The following RMND1 variants were observed in gnomAD, a reference collection of about 807,000 sequenced individuals.
The protein encoded by RMND1 is required for meiotic nuclear division 1 homolog.
Under a neutral mutation model 54.0 loss-of-function variants are expected in RMND1, and 41 were observed. The observed-to-expected ratio is 0.76, with a 90% confidence interval of 0.59 to 0.98. The LOEUF is 0.98. Ranked by LOEUF, RMND1 falls within the 50% of genes least tolerant of loss-of-function variation. The pLI is 0.00. For missense variants in RMND1, 457 were observed against 532.0 expected, an observed-to-expected ratio of 0.86 and a Z score of 1.39; for synonymous variants, 183 against 181.7, an observed-to-expected ratio of 1.01 and a Z score of -0.06.
chr6:151,440,425 C>G (rs1190630484), intron 2 of RMND1, among the ~76,000 whole-genome samples: 1 of 152,224 alleles, frequency 6.6e-6, no homozygotes, highest in Non-Finnish European at 1.5e-5. Context: ...ATTTTCAACT[C>G]TCAAGGACAG....
At chr6:151,429,506 G>A (rs893166747) in intron 5 of RMND1, among the ~76,000 whole-genome samples, 2 of 152,002 alleles carry the variant, frequency 1.3e-5, no homozygotes, top group African/African-American at 2.4e-5. Flanking sequence ...TTTCTAAGGG[G>A]ATCTATAGTA....
intron 10 of RMND1, among the ~76,000 whole-genome samples, chr6:151,410,198 A>G (rs142395054): frequency 0.027 from 4,021 of 151,474 alleles, 194 homozygotes; most frequent in African/African-American, 0.09. Flanking sequence ...GGGACTACAG[A>G]CGCCCGCCAC....
chr6:151,405,638 A>G (rs183324162), intron 11 of RMND1, 82 bp downstream of exon 11: 11 of 715,360 alleles, frequency 1.5e-5, no homozygotes, highest in Middle Eastern at 2.8e-4. Flanking sequence ...ATAATTTTCT[A>G]TCTCAAACTA....
intron 4 of RMND1, 69 bp downstream of exon 4, chr6:151,433,086 C>T (rs2114953668): frequency 3.5e-6 from 3 of 856,980 alleles, no homozygotes. Flanking sequence ...GGTATGCCTG[C>T]ACCTTTAAAG....
In RMND1 at chr6:151,405,787, C is replaced by T. The variant is rs397515421; in HGVS notation, c.1250G>A (p.Arg417Gln). 16 of 1,612,640 alleles carry T rather than the reference C, an allele frequency of 9.9e-6. No homozygotes were observed. Among genetic ancestry groups the T allele is most frequent in the Admixed American group, 8.3e-5 (5 of 59,984 alleles). Residue 417 changes from arginine to glutamine, a missense_variant, in exon 11 of 12, where the codon CGG becomes CAG. By Grantham distance (43) the Arg-to-Gln change is conservative. Transcript: ENST00000444024. ...QHCMELTDLM[R>Q]NHLNEKRALR... The stretch of plus-strand genomic sequence containing the variant: ...TGCCCTCTTCTCATTCAGGTGATTC[C>T]GCATTAGATCTGTTAGTTCCATGCA...
intron 4 of RMND1, among the ~76,000 whole-genome samples, chr6:151,432,082 C>G (rs1780464359): frequency 2.0e-5 from 3 of 151,814 alleles, no homozygotes. Flanking sequence ...ATTACAGGCA[C>G]CCTCCACCAT....
At chr6:151,417,254 C>T (rs757165928) in intron 10 of RMND1, 25 bp downstream of exon 10, 1 of 1,584,144 alleles carries the variant, frequency 6.3e-7, no homozygotes, top group South Asian at 1.2e-5. Context: ...GTCTTTTTCT[C>T]TCATTAGAAG....
At chr6:151,432,611 C>G (rs923027110) in intron 4 of RMND1, among the ~76,000 whole-genome samples, 2 of 152,096 alleles carry the variant, frequency 1.3e-5, no homozygotes, top group African/African-American at 2.4e-5. Flanking sequence ...TTATTTCACA[C>G]GGTTCTATCA....
intron 4 of RMND1, among the ~76,000 whole-genome samples, chr6:151,431,547 C>A (rs1298589392): frequency 1.3e-5 from 2 of 152,072 alleles, no homozygotes; most frequent in Admixed American, 6.6e-5. Context: ...CCCTTCCAGG[C>A]AGAAGAGAGG....
rs1208215133 is a variant in RMND1, at chr6:151,448,132, C to T, written c.-14-2307G>A. On this transcript the variant is annotated intron_variant, in intron 1 of 11. Transcript: ENST00000444024. ...GACCCAGCCCATTTTTATCACTGCA[C>T]CTTCTAGAAAGCCTAAGATTACATT... Among the ~76,000 whole-genome samples, 5 of 152,028 alleles carry T rather than the reference C, an allele frequency of 3.3e-5. No homozygotes were observed. The East Asian group carries it at 7.7e-4, about 23-fold the overall frequency.
rs899425248 is a variant in RMND1, at chr6:151,427,575, T to A, written c.737A>T (p.His246Leu). The stretch of plus-strand genomic sequence containing the variant: ...ATGTTTTTCTAGAACTTTCATCACA[T>A]GCTTCATCTAGAAGAAAAGGAAGAT... ...FWNVKDKTMK[H>L]VMKVLEKHEI... Residue 246 changes from histidine to leucine, a missense_variant, in exon 6 of 12, where the codon CAT becomes CTT. Coordinates refer to ENST00000444024, the MANE Select transcript of RMND1 (RefSeq NM_017909.4). 2 of 1,599,246 alleles carry A rather than the reference T, an allele frequency of 1.3e-6. No individual in the cohort carries two copies. Among genetic ancestry groups the A allele is most frequent in the African/African-American group, 2.7e-5 (2 of 74,608 alleles).
At chr6:151,405,389 CACGTGGCA>C in intron 11 of RMND1, 122 bp from the exon 12 acceptor site, 3 of 885,222 alleles carry the variant, frequency 3.4e-6, no homozygotes, top group Non-Finnish European at 5.3e-6. Flanking sequence ...TGCCCTTTCT[CACGTGGCA>C]ACCTATGAAT....
chr6:151,436,827 T>C (rs1462498746), intron 2 of RMND1: 1 of 314,162 alleles, frequency 3.2e-6, no homozygotes, highest in Non-Finnish European at 6.0e-6. Flanking sequence ...ACTCAACTGG[T>C]AGTATCTCAA....
Position 151,405,199 on chromosome 6 carries a change from AAT to A in RMND1, c.*34_*35del. ...ATTTAATTTTTGATTGTAGAACTTG[AAT>A]ATCTCTTGCAGTGACACTTTGGTTA... On this transcript the variant is annotated 3_prime_UTR_variant, in exon 12 of 12. Coordinates refer to ENST00000444024, the MANE Select transcript of RMND1 (RefSeq NM_017909.4). 6.3e-7 allele frequency: 1 copy of A among 1,590,754 alleles called. No homozygotes were observed. Among genetic ancestry groups the A allele is most frequent in the East Asian group, 2.2e-5 (1 of 44,648 alleles).
chr6:151,437,798 C>A (rs1405920679), intron 2 of RMND1, among the ~76,000 whole-genome samples: 3 of 152,168 alleles, frequency 2.0e-5, no homozygotes, highest in African/African-American at 7.2e-5. Flanking sequence ...CCCCATTTGC[C>A]CTTCCTCAAT....
intron 1 of RMND1, among the ~76,000 whole-genome samples, chr6:151,449,910 C>CGAA (rs1781084257): frequency 6.6e-6 from 1 of 152,214 alleles, no homozygotes; most frequent in Non-Finnish European, 1.5e-5. Flanking sequence ...CTCGGCCTCC[C>CGAA]GAGGTGCCGG....
At chr6:151,424,412 G>T (rs563664180) in intron 6 of RMND1, among the ~76,000 whole-genome samples, 2 of 149,312 alleles carry the variant, frequency 1.3e-5, no homozygotes, top group Admixed American at 6.7e-5. Flanking sequence ...GCAGTAAGCC[G>T]AAATCACGCC....
intron 5 of RMND1, among the ~76,000 whole-genome samples, chr6:151,428,623 C>G (rs1398848720): frequency 6.6e-6 from 1 of 152,198 alleles, no homozygotes; most frequent in African/African-American, 2.4e-5. Context: ...CCTCAAACTC[C>G]TGGGTTCGAG....
In RMND1 at chr6:151,405,218, CTTTGG is replaced by C. The variant is rs752371236; in HGVS notation, c.*12_*16del. On this transcript the variant is annotated 3_prime_UTR_variant, in exon 12 of 12. Transcript: ENST00000444024. ...AACTTGAATATCTCTTGCAGTGACA[CTTTGG>C]TTATCACTTGATCAGAAAAATACTC... 6.2e-7 allele frequency: 1 copy of C among 1,605,684 alleles called. No individual in the cohort carries two copies. The highest frequency in any genetic ancestry group is 8.5e-7 in the Non-Finnish European group (1 of 1,172,468).
Sources: allele counts gnomAD v4.1 joint callset (sites outside exome capture counted in the v4.1 genomes callset), GRCh38; gene constraint gnomAD v4.1.1; transcripts MANE v1.5; gene names NCBI Gene and HGNC (gene_info 2026-07-23, HGNC 2026-07-21).